ZNF577: variants seen among roughly 807,000 people sequenced by gnomAD.
ZNF577 encodes zinc finger protein 577.
A neutral mutation model predicts 13.9 loss-of-function variants in ZNF577; 14 were observed. The ratio of observed to expected loss-of-function variants is 1.00; its 90% CI spans 0.66 to 1.57. ZNF577 has a LOEUF of 1.57. Ranked by LOEUF, ZNF577 falls within the 40% of genes most tolerant of loss-of-function variation. The probability of loss-of-function intolerance (pLI) is 0.00; values close to 1 mark genes in which losing one functional copy is unlikely to be tolerated. For missense variants in ZNF577, 555 were observed against 579.2 expected (o/e 0.96, Z 0.43); for synonymous variants, 203 against 202.9 (o/e 1.00, Z 0.00).
Position 51,824,502 on chromosome 19 carries a change from A to T in ZNF577, c.*600-12828T>A. On this transcript the variant is annotated intron_variant and NMD_transcript_variant, in intron 9 of 10. Transcript: ENST00000638827. This position sits in a 1 kb window ranked among gnomAD's most constrained non-coding sequence, Gnocchi z 4.7. Reference sequence around the variant, plus strand: ...CGCTGCTGTGGTGGCTTCTTTCTTCATCTGTTGGTTCCCTTATGAACTAAT... The same window carrying T: ...CGCTGCTGTGGTGGCTTCTTTCTTCTTCTGTTGGTTCCCTTATGAACTAAT... 6.2e-7 allele frequency: 1 copy of T among 1,613,958 alleles called. No homozygotes were observed.
chr19:51,829,275 G>A (rs1216279652), intron 9 of ZNF577, among the ~76,000 whole-genome samples: 2 of 152,158 alleles, frequency 1.3e-5, no homozygotes, highest in Non-Finnish European at 2.9e-5. Context: ...GCCCCGACAA[G>A]CTGGCACTGT....
intron 5 of ZNF577, among the ~76,000 whole-genome samples, chr19:51,847,974 T>A (rs1002560382): frequency 9.9e-5 from 15 of 152,174 alleles, no homozygotes; most frequent in African/African-American, 3.6e-4. Flanking sequence ...CCAGGAATGA[T>A]CGCTCAGCAA....
In ZNF577 at chr19:51,844,050, C is replaced by CT. The variant is rs34391853; in HGVS notation, c.*154+707dup. ...CTTAAGATACTCGATAGCCACTACA[C>CT]TTTTTTTTTTTTTTTTTTTTTTACA... is the stretch of plus-strand genomic sequence containing the variant. On this transcript the variant is annotated intron_variant and NMD_transcript_variant, in intron 6 of 10. Coordinates refer to the ZNF577 transcript ENST00000638827. Among the ~76,000 whole-genome samples, 592 of 127,082 alleles carry CT rather than the reference C, an allele frequency of 4.7e-3. 2 individuals carry two copies. Among genetic ancestry groups the CT allele is most frequent in the East Asian group, 9.6e-3 (42 of 4,382 alleles). The allele number at this position is 127,082 out of a possible 152,430, so 83.4% of individuals were successfully genotyped here.
In ZNF577 at chr19:51,871,433, A is replaced by G. The variant is rs1491000911; in HGVS notation, c.*1099T>C. ...TGCCTGGCCAGGTAGGTTAATTTAT[A>G]TAATTTCAGAATAGATACAAATTTA... On this transcript the variant is annotated 3_prime_UTR_variant, in exon 6 of 6. Transcript: ENST00000638348. 1 of 152,078 alleles carries G rather than the reference A, an allele frequency of 6.6e-6. No individual in the cohort carries two copies. Among genetic ancestry groups the G allele is most frequent in the African/African-American group, 2.4e-5 (1 of 41,390 alleles). The allele number at this position is 152,078 out of a possible 1,614,324, so 9.4% of individuals were successfully genotyped here.
intron 9 of ZNF577, among the ~76,000 whole-genome samples, chr19:51,830,572 T>C (rs2084256625): frequency 6.6e-6 from 1 of 152,230 alleles, no homozygotes; most frequent in African/African-American, 2.4e-5. Context: ...GGAGTAAATC[T>C]AAGTCATATA....
chr19:51,848,518 C>T (rs2084365416), intron 5 of ZNF577, among the ~76,000 whole-genome samples: 1 of 152,144 alleles, frequency 6.6e-6, no homozygotes, highest in African/African-American at 2.4e-5. Flanking sequence ...GATTAGGAGA[C>T]CTAGAACTGG....
At chr19:51,810,288 C>T (rs1303561639) in intron 10 of ZNF577, among the ~76,000 whole-genome samples, 1 of 152,190 alleles carries the variant, frequency 6.6e-6, no homozygotes, top group Non-Finnish European at 1.5e-5. Flanking sequence ...AGTGCCAGTG[C>T]ATGTTTACAA....
chr19:51,851,828 T>A (rs1199603857), intron 5 of ZNF577, among the ~76,000 whole-genome samples: 3 of 152,186 alleles, frequency 2.0e-5, no homozygotes, highest in African/African-American at 7.2e-5. Context: ...ACGTCTGTCA[T>A]TCCTTTTCCA....
chr19:51,824,155 A>T lies in ZNF577; in HGVS notation c.*600-12481T>A. 1 of 1,614,104 alleles carries T rather than the reference A, an allele frequency of 6.2e-7. No individual in the cohort carries two copies. Among genetic ancestry groups the T allele is most frequent in the Non-Finnish European group, 8.5e-7 (1 of 1,179,992 alleles). ...CTGCATCCAGCCTGGGCCCAGAACC[A>T]TCGCACCATGAGTCTGGCCAAGAGG... is the stretch of plus-strand genomic sequence containing the variant. On this transcript the variant is annotated intron_variant and NMD_transcript_variant, in intron 9 of 10. Coordinates refer to the ZNF577 transcript ENST00000638827. The surrounding 1 kb of genome is among the most constrained non-coding windows in gnomAD (Gnocchi z 4.7).
rs561862562 is a variant in ZNF577 at position 51,867,618 on chromosome 19, C to CAAAA, written c.*4910_*4913dup. On this transcript the variant is annotated 3_prime_UTR_variant, in exon 6 of 6. Coordinates refer to ENST00000638348, the MANE Select transcript of ZNF577 (RefSeq NM_001370449.1). ...TGAAACCCCGTCTCTACTAAAAATA[C>CAAAA]AAAAAAAAAAAAAAAAATTAGCCGG... 4.4e-4 allele frequency among the ~76,000 whole-genome samples: 48 copies of CAAAA among 110,300 alleles called. No individual in the cohort carries two copies. Among genetic ancestry groups the CAAAA allele is most frequent in the Non-Finnish European group, 6.7e-4 (35 of 51,998 alleles). The allele number at this position is 110,300 out of a possible 152,430, so 72.4% of individuals were successfully genotyped here.
chr19:51,857,346 G>GA lies in ZNF577; in HGVS notation c.284-12416dup, dbSNP rs1384482827. Among the ~76,000 whole-genome samples the GA allele has an allele frequency of 6.8e-4, 92 of 135,256 alleles. 1 individual carries two copies. The highest frequency in any genetic ancestry group is 2.5e-3 in the African/African-American group (91 of 35,748). The allele number at this position is 135,256 out of a possible 152,430, so 88.7% of individuals were successfully genotyped here. ...GAAAAGGAGAAAGGAGAGAAAGAAA[G>GA]AGAGAAAGAAAGAAGGAAGGAAAGA... On this transcript the variant is annotated intron_variant and NMD_transcript_variant, in intron 5 of 10. Transcript: ENST00000638827.
At chr19:51,883,075 C>T (rs946780398) in intron 1 of ZNF577, among the ~76,000 whole-genome samples, 3 of 150,676 alleles carry the variant, frequency 2.0e-5, no homozygotes, top group African/African-American at 7.3e-5. Context: ...CTCACTGCAA[C>T]CTCCACCTCC....
chr19:51,887,886 A>T lies in ZNF577; in HGVS notation c.-1284T>A, dbSNP rs1340248014. 6.6e-6 allele frequency: 1 copy of T among 152,226 alleles called. No homozygotes were observed. The highest frequency in any genetic ancestry group is 1.5e-5 in the Non-Finnish European group (1 of 68,056). 9.4% of individuals were successfully genotyped at this position (152,226 alleles called of 1,614,324 possible). A position where few individuals can be genotyped will look rare whatever the true frequency, so the allele number is the denominator to read the frequency against. Reference sequence around the variant, plus strand: ...GGCGAGTCAGGGACCCGAAGTCTCTAAACACTCGCCTCTACCCGCCGCCCC... The same window carrying T: ...GGCGAGTCAGGGACCCGAAGTCTCTTAACACTCGCCTCTACCCGCCGCCCC... On this transcript the variant is annotated 5_prime_UTR_variant, in exon 1 of 6. Coordinates refer to ENST00000638348, the MANE Select transcript of ZNF577 (RefSeq NM_001370449.1).
intron 10 of ZNF577, among the ~76,000 whole-genome samples, chr19:51,807,149 T>C (rs2084064817): frequency 6.6e-6 from 1 of 152,180 alleles, no homozygotes; most frequent in Admixed American, 6.5e-5. Context: ...AGCTTGCCTC[T>C]AGTGGACAAT....
chr19:51,882,560 T>C (rs760714973), intron 1 of ZNF577, among the ~76,000 whole-genome samples: 4 of 151,584 alleles, frequency 2.6e-5, no homozygotes, highest in Non-Finnish European at 5.9e-5. Flanking sequence ...GGCAGGAGAA[T>C]TCCTTGAGGC....
chr19:51,848,370 C>T (rs7256238), intron 5 of ZNF577, among the ~76,000 whole-genome samples: 45,483 of 152,040 alleles, frequency 0.3, 9,122 homozygotes, highest in African/African-American at 0.55. Flanking sequence ...ACAGCTAAGA[C>T]GCGGAAGACG....
At position 51,872,419 on chromosome 19, in the gene ZNF577, T is replaced by C. The variant is rs750733346; in HGVS notation, c.*113A>G. 1.1e-4 allele frequency: 94 copies of C among 854,318 alleles called. No individual in the cohort carries two copies. The highest frequency in any genetic ancestry group is 1.1e-3 in the Middle Eastern group (3 of 2,798). The allele number at this position is 854,318 out of a possible 1,614,324, so 52.9% of individuals were successfully genotyped here. Reference sequence around the variant, plus strand: ...TAACAGGTTTGACTTCTCACAGAAATGTCCTCCACAACCACTGCCTCCACA... The same window carrying C: ...TAACAGGTTTGACTTCTCACAGAAACGTCCTCCACAACCACTGCCTCCACA... On this transcript the variant is annotated 3_prime_UTR_variant, in exon 6 of 6. Transcript: ENST00000638348.
downstream of ZNF577, among the ~76,000 whole-genome samples, chr19:51,866,948 C>A (rs1432288158): frequency 1.3e-5 from 2 of 151,406 alleles, no homozygotes; most frequent in Non-Finnish European, 2.9e-5. Flanking sequence ...GCCACTGAAC[C>A]TGTGTGACAG....
intron 3 of ZNF577, 112 bp from the exon 4 acceptor site, chr19:51,878,627 G>A: frequency 7.4e-7 from 1 of 1,342,930 alleles, no homozygotes; most frequent in Non-Finnish European, 1.0e-6. Flanking sequence ...GCACACCATG[G>A]CTATTTCACA....
Sources: gnomAD v4.1 joint callset for allele counts (sites outside exome capture counted in the v4.1 genomes callset) on GRCh38, gnomAD v4.1.1 for gene constraint, Gnocchi (gnomAD v3.1) non-coding constraint, MANE v1.5 for transcripts, NCBI Gene and HGNC (gene_info 2026-07-23, HGNC 2026-07-21) for gene names.